Variants in PPP6C observed in about 807,000 individuals in gnomAD.
PPP6C encodes serine/threonine-protein phosphatase 6 catalytic subunit.
Under a neutral mutation model 39.8 loss-of-function variants are expected in PPP6C, and 11 were observed. That is an observed-to-expected ratio of 0.28 (90% confidence interval 0.17 to 0.46). The LOEUF is 0.46. Ranked by LOEUF, PPP6C falls within the 20% of genes least tolerant of loss-of-function variation. The pLI is 1.00. For synonymous variants in PPP6C, 129 were observed against 130.3 expected (o/e 0.99, Z 0.07); for missense variants, 211 against 373.9 (o/e 0.56, Z 3.59).
chr9:125,189,075 C>T (rs1829602131), intron 1 of PPP6C: 3 of 668,206 alleles, frequency 4.5e-6, no homozygotes, highest in African/African-American at 1.8e-5. Flanking sequence ...AACCGACGAT[C>T]CTAAAAAGCA....
chr9:125,155,540 C>T (rs1175057968), intron 4 of PPP6C, among the ~76,000 whole-genome samples: 2 of 152,148 alleles, frequency 1.3e-5, no homozygotes, highest in South Asian at 4.1e-4. Context: ...AGTGTAAAGT[C>T]ATATAGGGAT....
At chr9:125,150,771 G>A (rs1835917175) in intron 6 of PPP6C, 4 of 716,232 alleles carry the variant, frequency 5.6e-6, no homozygotes, top group South Asian at 1.3e-5. Flanking sequence ...GGAGACCTGT[G>A]TGGAAATTGG....
rs79152604 is a variant in PPP6C, at chr9:125,188,793, C to T, written c.75+851G>A. 5.9e-5 allele frequency: 15 copies of T among 255,360 alleles called. No homozygotes were observed. The South Asian group carries it at 7.3e-4, about 12-fold the overall frequency. The allele number at this position is 255,360 out of a possible 1,614,324, so 15.8% of individuals were successfully genotyped here. On this transcript the variant is annotated intron_variant, in intron 1 of 6. Coordinates refer to ENST00000373547, the MANE Select transcript of PPP6C (RefSeq NM_002721.5). ...AGTGAGACTCTATCTCAGTTAAAAA[C>T]AATAATAATAATAATAATAATAATA...
chr9:125,151,011 T>C (rs746970252), intron 6 of PPP6C: 9 of 1,372,576 alleles, frequency 6.6e-6, no homozygotes, highest in Admixed American at 3.4e-5. Context: ...GCGCAGATCA[T>C]ATTATCACCA....
chr9:125,151,533 T>G (rs1172344421), intron 6 of PPP6C: 2 of 806,266 alleles, frequency 2.5e-6, no homozygotes, highest in African/African-American at 3.4e-5. Flanking sequence ...GCAGAAGCCA[T>G]CAGGAAAATT....
intron 1 of PPP6C, among the ~76,000 whole-genome samples, chr9:125,177,289 G>C (rs1829321252): frequency 6.6e-6 from 1 of 152,164 alleles, no homozygotes; most frequent in South Asian, 2.1e-4. Flanking sequence ...CAGGAGAATG[G>C]CGTGAACCCG....
In PPP6C at chr9:125,171,181, C is replaced by T; in HGVS notation, c.76-1G>A. On this transcript the variant is annotated splice_acceptor_variant, in intron 1 of 6. Transcript: ENST00000373547. LOFTEE classifies it high-confidence loss of function. ...GGTCACAAACGTAGTCACATAGCCG[C>T]TATAAAAAGAGAAAATAAAAGGTAA... is the stretch of plus-strand genomic sequence containing the variant. 6.4e-7 allele frequency: 1 copy of T among 1,555,596 alleles called. No homozygotes were observed. Among genetic ancestry groups the T allele is most frequent in the Non-Finnish European group, 8.7e-7 (1 of 1,144,368 alleles).
At chr9:125,151,145 T>C in intron 6 of PPP6C, 1 of 1,414,844 alleles carries the variant, frequency 7.1e-7, no homozygotes, top group African/African-American at 1.4e-5. Flanking sequence ...TGCACTATTG[T>C]TTCATCTGAT....
intron 1 of PPP6C, among the ~76,000 whole-genome samples, chr9:125,184,864 C>G (rs569118488): frequency 2.5e-4 from 38 of 150,880 alleles, no homozygotes; most frequent in Admixed American, 2.0e-3. Flanking sequence ...CACCTGTAAT[C>G]CCAGCTGAGG....
intron 2 of PPP6C, among the ~76,000 whole-genome samples, chr9:125,163,614 A>G (rs1283402209): frequency 2.0e-5 from 3 of 151,938 alleles, no homozygotes; most frequent in Non-Finnish European, 1.5e-5. Flanking sequence ...TATTTTTAAC[A>G]GAGACGGGGT....
chr9:125,175,556 T>C (rs1357046341), intron 1 of PPP6C, among the ~76,000 whole-genome samples: 1 of 145,422 alleles, frequency 6.9e-6, no homozygotes, highest in East Asian at 2.0e-4. Context: ...GGCAGGAGAA[T>C]GGCATGAACC....
At chr9:125,189,477 G>A (rs1446822522) in intron 1 of PPP6C, 167 bp downstream of exon 1, 1 of 1,444,978 alleles carries the variant, frequency 6.9e-7, no homozygotes, top group Admixed American at 2.9e-5. Context: ...CGACGACTCG[G>A]CTCGCGAGAC....
In PPP6C at chr9:125,147,519, T is replaced by G. The variant is rs1835839586; in HGVS notation, c.*2154A>C. 1 of 152,156 alleles carries G rather than the reference T, an allele frequency of 6.6e-6. No homozygotes were observed. The highest frequency in any genetic ancestry group is 6.5e-5 in the Admixed American group (1 of 15,276). 9.4% of individuals were successfully genotyped at this position (152,156 alleles called of 1,614,324 possible). On this transcript the variant is annotated 3_prime_UTR_variant, in exon 7 of 7. Transcript: ENST00000373547. ...TCTCTTCCCTTTACACGTCTAATAGTAAAAACTATTTTTTCCATGCAAAAA... is the reference window on the plus strand; with the variant it reads ...TCTCTTCCCTTTACACGTCTAATAGGAAAAACTATTTTTTCCATGCAAAAA...
chr9:125,156,744 GCTCTCTCTCTCTCTCT>G (rs61252351), intron 4 of PPP6C, among the ~76,000 whole-genome samples: 5 of 141,342 alleles, frequency 3.5e-5, no homozygotes, highest in East Asian at 2.0e-4. Flanking sequence ...TAATAAGCTC[GCTCTCTCTCTCTCTCT>G]CTCTCTCTCT....
chr9:125,184,966 CA>C (rs34609209), intron 1 of PPP6C, among the ~76,000 whole-genome samples: 28,461 of 70,040 alleles, frequency 0.41, 2,083 homozygotes, highest in East Asian at 0.48. Context: ...GATTCAGTCT[CA>C]AAAAAAAAAA....
chr9:125,167,137 C>T (rs1588284389), intron 2 of PPP6C, among the ~76,000 whole-genome samples: 2 of 151,832 alleles, frequency 1.3e-5, no homozygotes, highest in African/African-American at 4.8e-5. Flanking sequence ...TCCCAGCACT[C>T]TGGGAGGCTG....
At chr9:125,178,310 T>G (rs1161155249) in intron 1 of PPP6C, among the ~76,000 whole-genome samples, 1 of 152,194 alleles carries the variant, frequency 6.6e-6, no homozygotes, top group East Asian at 1.9e-4. Context: ...TTCATCAGCA[T>G]TTGGTACTGT....
At chr9:125,172,003 TAAAAACAA>T (rs1413585248) in intron 1 of PPP6C, 1 of 463,174 alleles carries the variant, frequency 2.2e-6, no homozygotes, top group African/African-American at 2.0e-5. Context: ...AGCCCAAAAC[TAAAAACAA>T]ATCAGATATC....
At chr9:125,171,387 C>T (rs978995165) in intron 1 of PPP6C, among the ~76,000 whole-genome samples, 5 of 149,660 alleles carry the variant, frequency 3.3e-5, no homozygotes, top group Non-Finnish European at 5.9e-5. Flanking sequence ...TACAGAGACA[C>T]TAAGGTTCTA....
Sources: gnomAD v4.1 joint callset for allele counts (sites outside exome capture counted in the v4.1 genomes callset) on GRCh38, gnomAD v4.1.1 for gene constraint, MANE v1.5 for transcripts, NCBI Gene and HGNC (gene_info 2026-07-23, HGNC 2026-07-21) for gene names.